Variants in FKTN observed in about 807,000 individuals in gnomAD.
FKTN encodes the protein ribitol-5-phosphate transferase FKTN.
A neutral mutation model predicts 58.6 loss-of-function variants in FKTN; 47 were observed. That is an observed-to-expected ratio of 0.80 (90% CI 0.63 to 1.02). FKTN has a LOEUF of 1.02. Among genes scored for constraint, FKTN ranks in the 50% least tolerant of loss-of-function variants. The pLI is 0.00. For synonymous variants in FKTN, 178 were observed against 191.9 expected, an observed-to-expected ratio of 0.93 and a Z score of 0.60; for missense variants, 516 against 537.3, an observed-to-expected ratio of 0.96 and a Z score of 0.39.
intron 3 of FKTN, among the ~76,000 whole-genome samples, chr9:105,581,441 G>T (rs895646062): frequency 6.7e-6 from 1 of 149,472 alleles, no homozygotes; most frequent in African/African-American, 2.5e-5. Flanking sequence ...AGGTGTCAGT[G>T]TGCCCCTGCT....
At chr9:105,561,925 A>ATT (rs199866193) in intron 1 of FKTN, among the ~76,000 whole-genome samples, 1 of 142,564 alleles carries the variant, frequency 7.0e-6, no homozygotes, top group African/African-American at 2.6e-5. Flanking sequence ...AAAAATGTCG[A>ATT]TTTTTTTTTT....
At chr9:105,612,114 G>T (rs1830031510) in intron 7 of FKTN, among the ~76,000 whole-genome samples, 2 of 151,112 alleles carry the variant, frequency 1.3e-5, no homozygotes, top group African/African-American at 2.4e-5. Context: ...GTTTTTTATT[G>T]CATTTTCTAA....
intron 7 of FKTN, among the ~76,000 whole-genome samples, chr9:105,608,431 T>C (rs1367705476): frequency 1.3e-5 from 2 of 152,250 alleles, no homozygotes; most frequent in Non-Finnish European, 2.9e-5. Flanking sequence ...TTTAAAACTT[T>C]ATTCTCTTGC....
chr9:105,634,618 T>C (rs1833864524), intron 10 of FKTN, among the ~76,000 whole-genome samples: 1 of 152,180 alleles, frequency 6.6e-6, no homozygotes, highest in Admixed American at 6.5e-5. Context: ...GAAATGCAAC[T>C]TGGAGTCCTG....
At chr9:105,629,287 G>A (rs117314558) in intron 10 of FKTN, among the ~76,000 whole-genome samples, 2,265 of 152,306 alleles carry the variant, frequency 0.015, 41 homozygotes, top group Admixed American at 0.038. Flanking sequence ...AAAAGGGTCT[G>A]AGATCACAGG....
rs377365001 is a variant in FKTN at position 105,598,219 on chromosome 9, CT to C, written c.165+1563del. On this transcript the variant is annotated intron_variant, in intron 4 of 10. Transcript: ENST00000357998. The stretch of plus-strand genomic sequence containing the variant: ...TTTATACTCTTTTACATTGAGGGGA[CT>C]AAAAAAAATTGTAAATGTGGTCACT... 1.3e-5 allele frequency: 5 copies of C among 391,812 alleles called. 1 individual carries two copies. Among genetic ancestry groups the C allele is most frequent in the African/African-American group, 1.1e-4 (5 of 46,312 alleles). 24.3% of individuals were successfully genotyped at this position (391,812 alleles called of 1,614,324 possible). A position where few individuals can be genotyped will look rare whatever the true frequency, so the allele number is the denominator to read the frequency against.
chr9:105,603,281 G>A lies in FKTN; in HGVS notation c.370-934G>A, dbSNP rs139174247. Among the ~76,000 whole-genome samples, 303 of 152,190 alleles carry A rather than the reference G, an allele frequency of 2.0e-3. 3 individuals are homozygous for A. The highest frequency in any genetic ancestry group is 6.9e-3 in the African/African-American group (287 of 41,512). ...TTCAGTAGTGTCTTTCTCTGAATTG[G>A]CTACCCTCCCCCTCAGTCAGTGCTT... On this transcript the variant is annotated intron_variant, in intron 5 of 10. Transcript: ENST00000357998.
intron 5 of FKTN, 74 bp downstream of exon 5, chr9:105,601,422 T>G: frequency 2.8e-6 from 3 of 1,090,394 alleles, no homozygotes; most frequent in South Asian, 1.3e-5. Context: ...TAGTTTAAAA[T>G]GTAAAACATT....
At position 105,596,661 on chromosome 9, in the gene FKTN, T is replaced by C. The variant is rs751796192; in HGVS notation, c.165+4T>C. 13 of 1,591,956 alleles carry C rather than the reference T, an allele frequency of 8.2e-6. No homozygotes were observed. The South Asian group carries it at 1.2e-4, about 15-fold the overall frequency. ...TGGATTTGATAGCACACAGTGGGTA[T>C]GTAGAATAAACAAGAAATTTCTCAA... On this transcript the variant is annotated splice_donor_region_variant and intron_variant, in intron 4 of 10. Transcript: ENST00000357998.
intron 7 of FKTN, among the ~76,000 whole-genome samples, chr9:105,614,345 A>G (rs1025491180): frequency 2.6e-5 from 4 of 152,190 alleles, no homozygotes; most frequent in Admixed American, 2.6e-4. Flanking sequence ...ACTACAAATG[A>G]GAAAAGTAGA....
chr9:105,592,735 C>T (rs989599047), intron 3 of FKTN, among the ~76,000 whole-genome samples: 3 of 152,160 alleles, frequency 2.0e-5, no homozygotes, highest in Admixed American at 6.5e-5. Flanking sequence ...CACAATGCAG[C>T]CAGGTTGTTT....
intron 3 of FKTN, among the ~76,000 whole-genome samples, chr9:105,585,305 G>A (rs1843717271): frequency 6.6e-6 from 1 of 152,060 alleles, no homozygotes; most frequent in Non-Finnish European, 1.5e-5. Context: ...CACGCCTGTA[G>A]TCCTAGCTAC....
chr9:105,575,806 A>C (rs145190306), intron 3 of FKTN, among the ~76,000 whole-genome samples: 83 of 152,330 alleles, frequency 5.4e-4, no homozygotes, highest in Admixed American at 1.9e-3. Flanking sequence ...AATTAGAACT[A>C]TTCATCAGAA....
At chr9:105,625,435 G>A (rs1238536796) in intron 10 of FKTN, among the ~76,000 whole-genome samples, 1 of 152,178 alleles carries the variant, frequency 6.6e-6, no homozygotes, top group Non-Finnish European at 1.5e-5. Flanking sequence ...TGGGGTTTTT[G>A]ACTGGATGTA....
intron 4 of FKTN, among the ~76,000 whole-genome samples, chr9:105,597,609 G>C (rs764657499): frequency 5.3e-5 from 8 of 152,050 alleles, no homozygotes; most frequent in Non-Finnish European, 1.2e-4. Flanking sequence ...TATTTTGTAT[G>C]CTTCTCTGTA....
rs909354027 is a variant in FKTN, at chr9:105,566,699, C to T, written c.-180-6956C>T. Among the ~76,000 whole-genome samples the T allele has an allele frequency of 2.6e-5, 4 of 152,118 alleles. No individual in the cohort carries two copies. The East Asian group carries it at 5.8e-4, about 22-fold the overall frequency. On this transcript the variant is annotated intron_variant, in intron 1 of 10. Transcript: ENST00000357998. ...GTCCAGGACCAGATGGATTCACAGCCGAATTCTACCAGAGGTACAAGGAGG... is the reference window on the plus strand; with the variant it reads ...GTCCAGGACCAGATGGATTCACAGCTGAATTCTACCAGAGGTACAAGGAGG...
intron 3 of FKTN, among the ~76,000 whole-genome samples, chr9:105,594,397 A>G (rs1238164340): frequency 6.6e-6 from 1 of 152,246 alleles, no homozygotes; most frequent in Non-Finnish European, 1.5e-5. Context: ...CAGTTAATAC[A>G]CAAGGGGAAT....
Position 105,604,467 on chromosome 9 carries a change from G to A in FKTN, c.622G>A (p.Gly208Ser). Residue 208 changes from glycine to serine, a missense_variant, in exon 6 of 11, where the codon GGT becomes AGT. Gly to Ser is a moderately conservative substitution (Grantham distance 56). Transcript: ENST00000357998. ...TGTTCCCTTCCGAAAGTTACAGTTTGGTCGTTATCCAGGAGCTTTTGACAG... is the reference window on the plus strand; with the variant it reads ...TGTTCCCTTCCGAAAGTTACAGTTTAGTCGTTATCCAGGAGCTTTTGACAG... ...KFVPFRKLQFGRYPGAFDRPE... is the reference protein window; with the variant it reads ...KFVPFRKLQFSRYPGAFDRPE... The A allele has an allele frequency of 1.2e-6, 2 of 1,614,078 alleles. No homozygotes were observed. The highest frequency in any genetic ancestry group is 1.1e-5 in the South Asian group (1 of 91,050).
chr9:105,559,490 C>T (rs1467279626), intron 1 of FKTN, among the ~76,000 whole-genome samples: 1 of 152,056 alleles, frequency 6.6e-6, no homozygotes, highest in African/African-American at 2.4e-5. Flanking sequence ...CGAAACCAGC[C>T]TGGCCAACAT....
Sources: allele counts gnomAD v4.1 joint callset (sites outside exome capture counted in the v4.1 genomes callset), GRCh38; gene constraint gnomAD v4.1.1; transcripts MANE v1.5; gene names NCBI Gene and HGNC (gene_info 2026-07-23, HGNC 2026-07-21).